Variants in ALK observed in about 807,000 individuals in gnomAD.
The protein encoded by ALK is ALK tyrosine kinase receptor.
In ALK, 74 loss-of-function variants were observed where a neutral mutation model predicts 163.1. The observed-to-expected ratio is 0.45, with a 90% CI of 0.38 to 0.55. The LOEUF is 0.55. Ranked by LOEUF, ALK falls within the 20% of genes least tolerant of loss-of-function variation. The probability of loss-of-function intolerance (pLI) is 0.00; values close to 1 mark genes in which losing one functional copy is unlikely to be tolerated. For missense variants in ALK, 2,063 were observed against 2,105.3 expected, an observed-to-expected ratio of 0.98 and a Z score of 0.39; for synonymous variants, 960 against 843.2, an observed-to-expected ratio of 1.14 and a Z score of -2.40.
intron 2 of ALK, among the ~76,000 whole-genome samples, chr2:29,705,891 G>A (rs1416355748): frequency 6.6e-6 from 1 of 152,170 alleles, no homozygotes; most frequent in East Asian, 1.9e-4. Context: ...CACATAAGAG[G>A]GAGTATATCC....
intron 3 of ALK, among the ~76,000 whole-genome samples, chr2:29,616,466 T>C (rs1303731245): frequency 2.6e-5 from 4 of 152,124 alleles, no homozygotes; most frequent in African/African-American, 9.7e-5. Flanking sequence ...GATTTACAAT[T>C]TGAGAATCAA....
At chr2:29,356,657 C>T (rs1448102567) in intron 5 of ALK, among the ~76,000 whole-genome samples, 1 of 152,194 alleles carries the variant, frequency 6.6e-6, no homozygotes, top group Non-Finnish European at 1.5e-5. Context: ...TTGTTCCACT[C>T]CTGCCTGATT....
At chr2:29,383,671 G>A in intron 5 of ALK, 61 bp downstream of exon 5, 1 of 1,610,108 alleles carries the variant, frequency 6.2e-7, no homozygotes, top group South Asian at 1.1e-5. Context: ...ATGGTTGCAG[G>A]TTATTGACAC....
intron 4 of ALK, among the ~76,000 whole-genome samples, chr2:29,471,621 A>G (rs548270666): frequency 1.8e-4 from 28 of 152,374 alleles, no homozygotes; most frequent in African/African-American, 6.5e-4. Flanking sequence ...CACTAGGAAT[A>G]GCAGTTGTGG....
At chr2:29,707,798 TG>T (rs1223061125) in intron 2 of ALK, among the ~76,000 whole-genome samples, 1 of 152,234 alleles carries the variant, frequency 6.6e-6, no homozygotes, top group Non-Finnish European at 1.5e-5. Flanking sequence ...CACCTTTTGC[TG>T]TGCCCTGGGC....
intron 1 of ALK, chr2:29,899,452 C>G (rs1051908497): frequency 2.0e-5 from 3 of 152,284 alleles, no homozygotes; most frequent in Admixed American, 1.3e-4. Flanking sequence ...GACAGAGAGC[C>G]TGGGCTCTTG....
rs779258538 is a variant in ALK, at chr2:29,920,692, G to C, written c.-33C>G. On this transcript the variant is annotated 5_prime_UTR_variant, in exon 1 of 29. Coordinates refer to ENST00000389048, the MANE Select transcript of ALK (RefSeq NM_004304.5). ...GAGGAGGCCGTTTACACTGCTCTCCGGGCCCAGCCTCACCCTTCGCTCTCC... is the reference window on the plus strand; with the variant it reads ...GAGGAGGCCGTTTACACTGCTCTCCCGGCCCAGCCTCACCCTTCGCTCTCC... 1.3e-6 allele frequency: 2 copies of C among 1,517,598 alleles called. No individual in the cohort carries two copies. Among genetic ancestry groups the C allele is most frequent in the Non-Finnish European group, 1.8e-6 (2 of 1,132,532 alleles). The allele number at this position is 1,517,598 out of a possible 1,614,324, so 94.0% of individuals were successfully genotyped here. A position where few individuals can be genotyped will look rare whatever the true frequency, so the allele number is the denominator to read the frequency against.
At chr2:29,596,994 C>T (rs918212601) in intron 3 of ALK, among the ~76,000 whole-genome samples, 3 of 152,182 alleles carry the variant, frequency 2.0e-5, no homozygotes, top group South Asian at 2.1e-4. Context: ...ATTCTAGTCT[C>T]GGCTGCTGGG....
chr2:29,677,038 CT>C (rs1247832342), intron 3 of ALK, among the ~76,000 whole-genome samples: 1 of 151,752 alleles, frequency 6.6e-6, no homozygotes. Context: ...TTTGTGAATT[CT>C]TTTGGGATTT....
At chr2:29,475,457 T>A (rs1333340648) in intron 4 of ALK, among the ~76,000 whole-genome samples, 1 of 151,602 alleles carries the variant, frequency 6.6e-6, no homozygotes, top group Non-Finnish European at 1.5e-5. Context: ...TTTCCCAGAA[T>A]CCCTCCCTCC....
intron 1 of ALK, among the ~76,000 whole-genome samples, chr2:29,841,982 C>G (rs1572427166): frequency 6.6e-6 from 1 of 152,018 alleles, no homozygotes; most frequent in Admixed American, 6.6e-5. Flanking sequence ...TTCCCTTCTC[C>G]TTTCCTTCCT....
chr2:29,308,082 T>C (rs949268263), intron 8 of ALK, among the ~76,000 whole-genome samples: 1 of 152,026 alleles, frequency 6.6e-6, no homozygotes, highest in African/African-American at 2.4e-5. Flanking sequence ...TTTTCCAATT[T>C]TTTTTTTTAC....
At chr2:29,455,164 G>GTCCT (rs1670919850) in intron 4 of ALK, among the ~76,000 whole-genome samples, 1 of 152,170 alleles carries the variant, frequency 6.6e-6, no homozygotes, top group African/African-American at 2.4e-5. Flanking sequence ...AGAGGAAAGG[G>GTCCT]TCCTGGTCCT....
intron 1 of ALK, among the ~76,000 whole-genome samples, chr2:29,775,396 A>G (rs1681144314): frequency 6.6e-6 from 1 of 152,344 alleles, no homozygotes; most frequent in South Asian, 2.1e-4. Flanking sequence ...GGAGATTGTC[A>G]TGCCACCAGG....
chr2:29,285,769 G>A (rs946033235), intron 9 of ALK, among the ~76,000 whole-genome samples: 4 of 150,714 alleles, frequency 2.7e-5, no homozygotes, highest in African/African-American at 7.3e-5. Flanking sequence ...TACCATGTTG[G>A]CCAGGCTGGT....
intron 8 of ALK, among the ~76,000 whole-genome samples, chr2:29,313,661 C>T (rs1190780716): frequency 6.6e-6 from 1 of 152,028 alleles, no homozygotes; most frequent in East Asian, 1.9e-4. Context: ...TAGGTTTGGT[C>T]TTGTGTTTAT....
In ALK at chr2:29,313,563, C is replaced by T. The variant is rs571574641; in HGVS notation, c.1647+4741G>A. 3.9e-5 allele frequency among the ~76,000 whole-genome samples: 6 copies of T among 152,276 alleles called. No individual in the cohort carries two copies. In the South Asian group the frequency reaches 1.2e-3, roughly 32 times the overall value. ...CCAGTTCTGATGCTTTTGAAGCTCT[C>T]ATCAACTCTCCCCAAGTTGAGAAGG... On this transcript the variant is annotated intron_variant, in intron 8 of 28. Transcript: ENST00000389048.
chr2:29,265,503 AG>A (rs1469397192), intron 11 of ALK, among the ~76,000 whole-genome samples: 2 of 152,352 alleles, frequency 1.3e-5, no homozygotes, highest in African/African-American at 4.8e-5. Flanking sequence ...TTTGACGCTC[AG>A]GGAGTTTTTC....
intron 8 of ALK, among the ~76,000 whole-genome samples, chr2:29,301,313 C>A (rs1051380596): frequency 2.0e-5 from 3 of 152,198 alleles, no homozygotes; most frequent in African/African-American, 4.8e-5. Context: ...CCTCTTAAAT[C>A]TTCTAAGGTT....
Sources: allele counts gnomAD v4.1 joint callset (sites outside exome capture counted in the v4.1 genomes callset), GRCh38; gene constraint gnomAD v4.1.1; transcripts MANE v1.5; gene names NCBI Gene and HGNC (gene_info 2026-07-23, HGNC 2026-07-21).